The following GRIP1 variants were observed in gnomAD, a reference collection of about 807,000 sequenced individuals.
GRIP1 encodes glutamate receptor interacting protein 1.
A neutral mutation model predicts 129.9 loss-of-function variants in GRIP1; 45 were observed. That is an observed-to-expected ratio of 0.35 (90% CI 0.27 to 0.44). The LOEUF (loss-of-function observed/expected upper bound fraction) is 0.44, where lower values mean the gene tolerates loss of function less well. Ranked by LOEUF, GRIP1 falls within the 20% of genes least tolerant of loss-of-function variation. GRIP1 has a pLI of 1.00. For synonymous variants in GRIP1, 530 were observed against 520.8 expected (o/e 1.02, Z -0.24); for missense variants, 1,196 against 1,396.8 (o/e 0.86, Z 2.29).
At chr12:66,971,984 C>T (rs1000779257) in intron 1 of GRIP1, among the ~76,000 whole-genome samples, 4 of 152,048 alleles carry the variant, frequency 2.6e-5, no homozygotes, top group East Asian at 3.9e-4. Flanking sequence ...ATGCCAGAAG[C>T]GGAAATGTGT....
At chr12:66,956,613 G>A (rs1163655943) in intron 1 of GRIP1, among the ~76,000 whole-genome samples, 1 of 152,168 alleles carries the variant, frequency 6.6e-6, no homozygotes, top group Admixed American at 6.5e-5. Flanking sequence ...ATTAATAAAT[G>A]TTTAGGAGAA....
rs2054038685 is a variant in GRIP1, at chr12:66,347,758, T to TTGA, written c.*1260_*1261insTCA. 2.6e-5 allele frequency: 1 copy of TTGA among 38,532 alleles called. No individual in the cohort carries two copies. The highest frequency in any genetic ancestry group is 8.2e-4 in the South Asian group (1 of 1,222). The allele number at this position is 38,532 out of a possible 1,614,324, so 2.4% of individuals were successfully genotyped here. A position where few individuals can be genotyped will look rare whatever the true frequency, so the allele number is the denominator to read the frequency against. On this transcript the variant is annotated 3_prime_UTR_variant, in exon 25 of 25. Transcript: ENST00000359742. ...TTTTTTTGCACAAAAAGAAAGGTGATTTTTTTTTTATATTTCCTTAAACAA... is the reference window on the plus strand; with the variant it reads ...TTTTTTTGCACAAAAAGAAAGGTGATTGATTTTTTTTTATATTTCCTTAAACAA...
In GRIP1 at chr12:66,583,155, G is replaced by A. The variant is rs1250879773; in HGVS notation, c.136+13692C>T. On this transcript the variant is annotated intron_variant, in intron 2 of 24. Coordinates refer to ENST00000359742, the MANE Select transcript of GRIP1 (RefSeq NM_001366722.1). Reference sequence around the variant, plus strand: ...AAACCTGAGAAAAACAAGCAATGGCGAAAGGATTCCCTATTTAATAAATGG... The same window carrying A: ...AAACCTGAGAAAAACAAGCAATGGCAAAAGGATTCCCTATTTAATAAATGG... Among the ~76,000 whole-genome samples, 14 of 151,776 alleles carry A rather than the reference G, an allele frequency of 9.2e-5. No individual in the cohort carries two copies. In the East Asian group the frequency reaches 1.5e-3, roughly 17 times the overall value.
chr12:66,468,094 A>G (rs2059336492), intron 7 of GRIP1, among the ~76,000 whole-genome samples: 6 of 152,246 alleles, frequency 3.9e-5, no homozygotes, highest in Admixed American at 3.9e-4. Context: ...ATGGCTGCCC[A>G]GTTAAGAACC....
chr12:66,819,885 A>C (rs2039287849), intron 1 of GRIP1, among the ~76,000 whole-genome samples: 1 of 152,196 alleles, frequency 6.6e-6, no homozygotes, highest in South Asian at 2.1e-4. Context: ...ATGGAAACCA[A>C]AGCATAAATT....
chr12:67,045,148 T>C (rs1225030180), intron 1 of GRIP1, among the ~76,000 whole-genome samples: 2 of 152,162 alleles, frequency 1.3e-5, no homozygotes, highest in East Asian at 1.9e-4. Flanking sequence ...CAAAATCATG[T>C]TTAGAAAAAG....
chr12:66,465,532 C>G, intron 7 of GRIP1, 110 bp from the exon 8 acceptor site: 1 of 931,230 alleles, frequency 1.1e-6, no homozygotes, highest in Non-Finnish European at 1.7e-6. Flanking sequence ...AATTTTATCA[C>G]TGAAACTTAG....
At chr12:66,375,974 C>G (rs1296280986) in intron 22 of GRIP1, among the ~76,000 whole-genome samples, 1 of 152,194 alleles carries the variant, frequency 6.6e-6, no homozygotes, top group Non-Finnish European at 1.5e-5. Flanking sequence ...TTTTCTTCAT[C>G]ATTCTACATG....
intron 1 of GRIP1, among the ~76,000 whole-genome samples, chr12:66,763,572 A>C (rs1382689180): frequency 6.6e-6 from 1 of 152,208 alleles, no homozygotes; most frequent in Non-Finnish European, 1.5e-5. Context: ...GTTTATCCCC[A>C]CATGAGATAT....
At chr12:66,750,986 A>G (rs1345802474) in intron 1 of GRIP1, among the ~76,000 whole-genome samples, 2 of 152,220 alleles carry the variant, frequency 1.3e-5, no homozygotes, top group Admixed American at 1.3e-4. Flanking sequence ...TAAGGTTGCT[A>G]TAACTTTATT....
At chr12:66,882,898 G>C (rs913427799) in intron 1 of GRIP1, among the ~76,000 whole-genome samples, 5 of 152,110 alleles carry the variant, frequency 3.3e-5, no homozygotes, top group Admixed American at 3.3e-4. Context: ...CTGCTCTGCC[G>C]TTCTTTGCAA....
At chr12:66,994,952 T>C (rs748335184) in intron 1 of GRIP1, among the ~76,000 whole-genome samples, 27 of 151,954 alleles carry the variant, frequency 1.8e-4, no homozygotes, top group Non-Finnish European at 2.9e-5. Context: ...ATAATGCAAA[T>C]CTACAATAAT....
At chr12:66,643,020 T>A (rs1414532214) in intron 1 of GRIP1, among the ~76,000 whole-genome samples, 1 of 152,122 alleles carries the variant, frequency 6.6e-6, no homozygotes, top group Non-Finnish European at 1.5e-5. Flanking sequence ...AGGCAATTCA[T>A]AAAACAAGAC....
At chr12:66,628,235 T>C (rs2030323023) in intron 1 of GRIP1, among the ~76,000 whole-genome samples, 1 of 152,188 alleles carries the variant, frequency 6.6e-6, no homozygotes, top group Non-Finnish European at 1.5e-5. Flanking sequence ...CCAGAGAACA[T>C]GGCTTGGTAA....
intron 7 of GRIP1, among the ~76,000 whole-genome samples, chr12:66,505,459 C>T (rs1171847541): frequency 6.6e-6 from 1 of 152,184 alleles, no homozygotes; most frequent in Non-Finnish European, 1.5e-5. Context: ...AGCCTGCTGT[C>T]ATCCTGACCT....
At chr12:66,355,191 TCA>T (rs1464930960) in intron 23 of GRIP1, among the ~76,000 whole-genome samples, 1 of 152,154 alleles carries the variant, frequency 6.6e-6, no homozygotes, top group Non-Finnish European at 1.5e-5. Flanking sequence ...ACGACCCTCT[TCA>T]CACGCTCATT....
At chr12:66,643,900 G>T (rs7959738) in intron 1 of GRIP1, among the ~76,000 whole-genome samples, 85,053 of 151,884 alleles carry the variant, frequency 0.56, 24,918 homozygotes, top group African/African-American at 0.74. Context: ...TTCTGAAATT[G>T]TCTTGCCATA....
At chr12:66,367,056 C>G (rs1431990233) in intron 23 of GRIP1, among the ~76,000 whole-genome samples, 9 of 152,102 alleles carry the variant, frequency 5.9e-5, no homozygotes, top group Admixed American at 5.9e-4. Flanking sequence ...ATCGTTCTGC[C>G]TTAAGGTGTG....
intron 7 of GRIP1, among the ~76,000 whole-genome samples, chr12:66,501,162 C>A (rs2060381758): frequency 6.6e-6 from 1 of 152,146 alleles, no homozygotes; most frequent in Admixed American, 6.5e-5. Flanking sequence ...GTGTCAAAGT[C>A]ATAGAAACAA....
Sources: allele counts gnomAD v4.1 joint callset (sites outside exome capture counted in the v4.1 genomes callset), GRCh38; gene constraint gnomAD v4.1.1; transcripts MANE v1.5; gene names NCBI Gene and HGNC (gene_info 2026-07-23, HGNC 2026-07-21).